Variants in PAGE2B observed in about 807,000 individuals in gnomAD.
PAGE2B encodes PAGE family member 2B, also known as putative G antigen family E member 3.
A neutral mutation model predicts 7.6 loss-of-function variants in PAGE2B; 5 were observed. That is an observed-to-expected ratio of 0.66 (90% CI 0.34 to 1.38). PAGE2B has a LOEUF of 1.38. Among genes scored for constraint, PAGE2B ranks in the 40% most tolerant of loss-of-function variants. The pLI is 0.04. For missense variants in PAGE2B, 70 were observed against 78.4 expected (o/e 0.89, Z 0.41); for synonymous variants, 29 against 26.7 (o/e 1.09, Z -0.27).
the PAGE2B span, among the ~76,000 whole-genome samples, chrX:55,064,197 T>C: frequency 4.5e-5 from 5 of 111,494 alleles, no homozygotes; most frequent in Admixed American, 1.9e-4. Context: ...TGAGTTTCCT[T>C]TGCTGGGAGA....
At chrX:55,071,592 G>C (rs1403518903), upstream of PAGE2B, among the ~76,000 whole-genome samples, 5 of 111,475 alleles carry the variant, frequency 4.5e-5, no homozygotes, top group Non-Finnish European at 1.9e-5. Context: ...TTGAATGTTG[G>C]CCTGCCTTGC....
chrX:55,052,565 G>A, the PAGE2B span, among the ~76,000 whole-genome samples: 3 of 112,578 alleles, frequency 2.7e-5, no homozygotes, highest in East Asian at 8.4e-4. Flanking sequence ...AGATTGCTTT[G>A]CTAGCAATGA....
At chrX:55,077,811 C>T (rs768541801) in intron 4 of PAGE2B, among the ~76,000 whole-genome samples, 4 of 112,223 alleles carry the variant, frequency 3.6e-5, no homozygotes, top group South Asian at 3.6e-4. Context: ...AATTGGATTA[C>T]GATATGAAAG....
At chrX:55,066,603 T>A in the PAGE2B span, among the ~76,000 whole-genome samples, 2 of 111,882 alleles carry the variant, frequency 1.8e-5, no homozygotes, top group African/African-American at 6.5e-5. Context: ...AAATATATCA[T>A]GCCACTCTAT....
the PAGE2B span, among the ~76,000 whole-genome samples, chrX:55,035,864 G>A: frequency 8.9e-6 from 1 of 111,766 alleles, no homozygotes; most frequent in Non-Finnish European, 1.9e-5. Flanking sequence ...GATGGGGATG[G>A]CATTGAATCT....
chrX:55,038,633 A>T, the PAGE2B span, among the ~76,000 whole-genome samples: 1 of 111,982 alleles, frequency 8.9e-6, no homozygotes, highest in South Asian at 3.7e-4. Context: ...CTATCCTTGA[A>T]GAGGCAGGTA....
chrX:55,049,940 C>T, the PAGE2B span, among the ~76,000 whole-genome samples: 1 of 111,938 alleles, frequency 8.9e-6, no homozygotes, highest in Non-Finnish European at 1.9e-5. Flanking sequence ...CTGTTGTGGG[C>T]ATTTAGTGCT....
chrX:55,052,497 C>A, the PAGE2B span, among the ~76,000 whole-genome samples: 1 of 112,342 alleles, frequency 8.9e-6, no homozygotes, highest in Non-Finnish European at 1.9e-5. Flanking sequence ...CCTACTGAAG[C>A]CTGGGCAATG....
chrX:55,059,081 T>A, the PAGE2B span, among the ~76,000 whole-genome samples: 1 of 111,435 alleles, frequency 9.0e-6, no homozygotes, highest in South Asian at 3.7e-4. Flanking sequence ...GACATTAGCA[T>A]GGTATATTAG....
chrX:55,042,467 AAG>A, the PAGE2B span, among the ~76,000 whole-genome samples: 4 of 108,050 alleles, frequency 3.7e-5, no homozygotes, highest in African/African-American at 1.4e-4. Flanking sequence ...ATCCTGGCTA[AAG>A]CGGTGAAACC....
chrX:55,065,670 G>T, the PAGE2B span, among the ~76,000 whole-genome samples: 4 of 111,311 alleles, frequency 3.6e-5, no homozygotes, highest in Non-Finnish European at 7.5e-5. Context: ...TTCTGTGGTG[G>T]TATGCTTTAA....
chrX:55,067,674 T>C, the PAGE2B span, among the ~76,000 whole-genome samples: 1 of 111,860 alleles, frequency 8.9e-6, no homozygotes, highest in Non-Finnish European at 1.9e-5. Context: ...CCACCAACAG[T>C]GTAAAAGCAT....
intron 1 of PAGE2B, among the ~76,000 whole-genome samples, chrX:55,075,746 C>T (rs904901099): frequency 9.0e-6 from 1 of 110,736 alleles, no homozygotes; most frequent in Non-Finnish European, 1.9e-5. Flanking sequence ...GCCCTTTTTT[C>T]CCCCAAATGT....
the PAGE2B span, among the ~76,000 whole-genome samples, chrX:55,051,297 T>C: frequency 9.0e-6 from 1 of 110,835 alleles, no homozygotes; most frequent in Non-Finnish European, 1.9e-5. Context: ...TTGGAGTTGC[T>C]CTTCTCGAGG....
At chrX:55,034,082 G>C in the PAGE2B span, among the ~76,000 whole-genome samples, 6 of 111,885 alleles carry the variant, frequency 5.4e-5, no homozygotes, top group Admixed American at 3.8e-4. Context: ...GATGAGTGGG[G>C]ATTAAGGAAG....
chrX:55,039,346 A>G, the PAGE2B span, among the ~76,000 whole-genome samples: 1 of 111,497 alleles, frequency 9.0e-6, no homozygotes, highest in Non-Finnish European at 1.9e-5. Flanking sequence ...GATATATTTA[A>G]AAGTAATGTC....
At chrX:55,071,464 C>T (rs1285625537), upstream of PAGE2B, among the ~76,000 whole-genome samples, 1 of 111,729 alleles carries the variant, frequency 9.0e-6, no homozygotes. Context: ...TGACCTTTCT[C>T]TCTGGCTGCC....
the PAGE2B span, among the ~76,000 whole-genome samples, chrX:55,037,412 G>T: frequency 9.0e-6 from 1 of 111,310 alleles, no homozygotes; most frequent in Non-Finnish European, 1.9e-5. Flanking sequence ...ACAGGTGCTG[G>T]AGAGGATGTG....
chrX:55,036,681 T>A, the PAGE2B span, among the ~76,000 whole-genome samples: 1 of 110,251 alleles, frequency 9.1e-6, no homozygotes, highest in African/African-American at 3.4e-5. Context: ...CAAAACAGCA[T>A]GGTACTGGTA....
Sources: allele counts gnomAD v4.1 joint callset (sites outside exome capture counted in the v4.1 genomes callset), GRCh38; gene constraint gnomAD v4.1.1; transcripts MANE v1.5; gene names NCBI Gene and HGNC (gene_info 2026-07-23, HGNC 2026-07-21).